The following RAB38 variants were observed in gnomAD, a reference collection of about 807,000 sequenced individuals.
RAB38 encodes ras-related protein Rab-38.
RAB38 carries 15 observed loss-of-function variants against 18.4 expected under a neutral mutation model. That is an observed-to-expected ratio of 0.82 (90% confidence interval 0.55 to 1.26). RAB38 has a LOEUF of 1.26. Among genes scored for constraint, RAB38 ranks in the 50% most tolerant of loss-of-function variants. The pLI, the probability that RAB38 is intolerant of heterozygous loss-of-function variation, is 0.00. For missense variants in RAB38, 294 were observed against 267.4 expected, an observed-to-expected ratio of 1.10 and a Z score of -0.69; for synonymous variants, 101 against 104.4, an observed-to-expected ratio of 0.97 and a Z score of 0.20.
At chr11:88,095,540 A>C in the RAB38 span, among the ~76,000 whole-genome samples, 1 of 151,842 alleles carries the variant, frequency 6.6e-6, no homozygotes, top group Non-Finnish European at 1.5e-5. Flanking sequence ...CTTATTTTTC[A>C]AAATTTAAAG....
the RAB38 span, among the ~76,000 whole-genome samples, chr11:88,055,124 C>T: frequency 6.6e-6 from 1 of 152,146 alleles, no homozygotes. Context: ...GCAGTACCAG[C>T]TATTCAAGAG....
chr11:87,977,896 TAC>T, the RAB38 span, among the ~76,000 whole-genome samples: 1 of 112,044 alleles, frequency 8.9e-6, no homozygotes, highest in Non-Finnish European at 1.7e-5. Context: ...GTCATAGATT[TAC>T]ATATAATTAT....
chr11:87,955,879 A>G, the RAB38 span, among the ~76,000 whole-genome samples: 5 of 88,094 alleles, frequency 5.7e-5, no homozygotes, highest in Admixed American at 1.1e-4. Context: ...GTATGCACAC[A>G]CACACACACA....
chr11:88,139,840 A>G (rs1169183484), intron 2 of RAB38, among the ~76,000 whole-genome samples: 1 of 152,224 alleles, frequency 6.6e-6, no homozygotes. Context: ...CTGGATCTGA[A>G]GTCTAGGCCT....
At chr11:88,062,274 T>C in the RAB38 span, among the ~76,000 whole-genome samples, 2,521 of 152,046 alleles carry the variant, frequency 0.017, 59 homozygotes, top group African/African-American at 0.056. Context: ...GATCCGATGG[T>C]TTTTATAAGT....
the RAB38 span, among the ~76,000 whole-genome samples, chr11:88,099,355 GTTATT>G: frequency 8.6e-5 from 12 of 139,562 alleles, no homozygotes; most frequent in East Asian, 6.9e-4. Context: ...TCCTTGTTAT[GTTATT>G]TTGTTTTTTT....
At chr11:87,968,083 C>G in the RAB38 span, among the ~76,000 whole-genome samples, 95 of 152,230 alleles carry the variant, frequency 6.2e-4, no homozygotes, top group African/African-American at 2.3e-3. Flanking sequence ...TATTATTTGG[C>G]TTATTTTCAA....
chr11:87,918,155 A>G, the RAB38 span, among the ~76,000 whole-genome samples: 2 of 151,272 alleles, frequency 1.3e-5, no homozygotes, highest in Non-Finnish European at 2.9e-5. Flanking sequence ...TTTTCTTTTT[A>G]TGCTTGGCTT....
chr11:88,120,093 T>C (rs1942611129), intron 2 of RAB38, among the ~76,000 whole-genome samples: 1 of 152,332 alleles, frequency 6.6e-6, no homozygotes, highest in East Asian at 1.9e-4. Context: ...TTTGGATACC[T>C]GCTTTCCTCC....
At chr11:88,061,068 C>T in the RAB38 span, among the ~76,000 whole-genome samples, 1 of 152,298 alleles carries the variant, frequency 6.6e-6, no homozygotes, top group Non-Finnish European at 1.5e-5. Context: ...ATCTGAACAA[C>T]ATTATCCGTG....
chr11:87,899,952 T>A, the RAB38 span, among the ~76,000 whole-genome samples: 1 of 150,936 alleles, frequency 6.6e-6, no homozygotes, highest in Non-Finnish European at 1.5e-5. Flanking sequence ...CTCTCTCTAC[T>A]CCTTCCGTTT....
chr11:87,847,129 G>C, the RAB38 span, among the ~76,000 whole-genome samples: 1 of 151,832 alleles, frequency 6.6e-6, no homozygotes, highest in Non-Finnish European at 1.5e-5. Flanking sequence ...GAATAACAAA[G>C]TAAGTAGAAG....
intron 2 of RAB38, among the ~76,000 whole-genome samples, chr11:88,127,492 G>A (rs1043496365): frequency 2.0e-5 from 3 of 152,120 alleles, no homozygotes; most frequent in African/African-American, 7.2e-5. Context: ...AAATAGTGGT[G>A]GTATAAGTGG....
the RAB38 span, among the ~76,000 whole-genome samples, chr11:87,884,050 A>T: frequency 6.6e-6 from 1 of 151,982 alleles, no homozygotes; most frequent in Non-Finnish European, 1.5e-5. Context: ...CCACACTTGA[A>T]AAAGGAATGC....
the RAB38 span, among the ~76,000 whole-genome samples, chr11:87,885,837 TATATC>T: frequency 1.3e-5 from 2 of 152,112 alleles, no homozygotes; most frequent in African/African-American, 2.4e-5. Flanking sequence ...TGCAATTACT[TATATC>T]AATCAAAGAA....
chr11:87,948,824 T>G, the RAB38 span, among the ~76,000 whole-genome samples: 1 of 151,948 alleles, frequency 6.6e-6, no homozygotes, highest in Non-Finnish European at 1.5e-5. Flanking sequence ...TGCATCAATG[T>G]TCATCAAGGA....
At chr11:88,160,363 C>T (rs1380341820) in intron 1 of RAB38, among the ~76,000 whole-genome samples, 1 of 152,072 alleles carries the variant, frequency 6.6e-6, no homozygotes, top group Non-Finnish European at 1.5e-5. Flanking sequence ...AAATGGAATG[C>T]ATATACACTT....
At chr11:87,927,332 T>C in the RAB38 span, among the ~76,000 whole-genome samples, 14 of 152,184 alleles carry the variant, frequency 9.2e-5, no homozygotes, top group African/African-American at 2.9e-4. Context: ...TTTAGAATCA[T>C]TTTTGTTTTA....
At chr11:87,957,346 T>C in the RAB38 span, among the ~76,000 whole-genome samples, 1 of 151,824 alleles carries the variant, frequency 6.6e-6, no homozygotes, top group African/African-American at 2.4e-5. Context: ...CTTTTTCTCA[T>C]CCGTCATAAG....
Sources: gnomAD v4.1 joint callset for allele counts (sites outside exome capture counted in the v4.1 genomes callset) on GRCh38, gnomAD v4.1.1 for gene constraint, MANE v1.5 for transcripts, NCBI Gene and HGNC (gene_info 2026-07-23, HGNC 2026-07-21) for gene names.